The following TAB2 variants were observed in gnomAD, a reference collection of about 807,000 sequenced individuals.
TAB2 encodes the protein TGF-beta activated kinase 1 (MAP3K7) binding protein 2.
Under a neutral mutation model 65.0 loss-of-function variants are expected in TAB2, and 3 were observed. The ratio of observed to expected loss-of-function variants is 0.05; its 90% CI spans 0.02 to 0.12. The LOEUF (loss-of-function observed/expected upper bound fraction) is 0.12, where lower values mean the gene tolerates loss of function less well. TAB2 is among the 10% of genes least tolerant of loss of function. The pLI is 1.00. For synonymous variants in TAB2, 298 were observed against 285.1 expected, an observed-to-expected ratio of 1.05 and a Z score of -0.46; for missense variants, 623 against 840.3, an observed-to-expected ratio of 0.74 and a Z score of 3.20.
chr6:149,375,153 T>C (rs942941613), intron 2 of TAB2, among the ~76,000 whole-genome samples: 4 of 152,210 alleles, frequency 2.6e-5, no homozygotes, highest in Admixed American at 6.5e-5. Flanking sequence ...AACGAGATAA[T>C]GTCTGAGACT....
chr6:149,266,300 T>C (rs1022662606), intron 1 of TAB2, among the ~76,000 whole-genome samples: 5 of 152,208 alleles, frequency 3.3e-5, no homozygotes, highest in Admixed American at 1.3e-4. Context: ...CGTGTGTCTG[T>C]GTCTTTGTCC....
At chr6:149,248,716 T>C (rs767879334) in intron 1 of TAB2, among the ~76,000 whole-genome samples, 4 of 152,208 alleles carry the variant, frequency 2.6e-5, no homozygotes, top group Non-Finnish European at 5.9e-5. Flanking sequence ...AGGAATTTTC[T>C]GGAGGTCTGC....
chr6:149,330,671 A>G (rs569263564), intron 1 of TAB2, among the ~76,000 whole-genome samples: 34 of 152,310 alleles, frequency 2.2e-4, no homozygotes, highest in Admixed American at 2.6e-4. Context: ...TACAAATTCT[A>G]TATCCAAGTC....
intron 6 of TAB2, among the ~76,000 whole-genome samples, chr6:149,406,653 T>C (rs898167700): frequency 6.6e-6 from 1 of 152,322 alleles, no homozygotes; most frequent in Admixed American, 6.5e-5. Context: ...TACAAGAATT[T>C]TCACATTCTC....
At chr6:149,325,902 GCTTA>G (rs1779602572) in intron 1 of TAB2, among the ~76,000 whole-genome samples, 1 of 152,104 alleles carries the variant, frequency 6.6e-6, no homozygotes, top group Admixed American at 6.6e-5. Flanking sequence ...ACAACGCTCA[GCTTA>G]CTTTTTATTT....
chr6:149,410,154 A>G lies in TAB2; in HGVS notation c.*435A>G, dbSNP rs35408612. ...CGAAGAAAAGGAACAAGGTTTAACTATTTAAGAACCATTTGCTGCCGCATA... is the reference window on the plus strand; with the variant it reads ...CGAAGAAAAGGAACAAGGTTTAACTGTTTAAGAACCATTTGCTGCCGCATA... On this transcript the variant is annotated 3_prime_UTR_variant, in exon 7 of 7. Transcript: ENST00000637181. 1.6e-3 allele frequency: 322 copies of G among 201,522 alleles called. No homozygotes were observed. The highest frequency in any genetic ancestry group is 2.4e-3 in the Non-Finnish European group (239 of 97,966). 12.5% of individuals were successfully genotyped at this position (201,522 alleles called of 1,614,324 possible).
In TAB2 at chr6:149,378,705, C is replaced by T; in HGVS notation, c.790C>T (p.Pro264Ser). The T allele has an allele frequency of 6.2e-7, 1 of 1,614,040 alleles. No homozygotes were observed. The highest frequency in any genetic ancestry group is 2.2e-5 in the East Asian group (1 of 44,888). Reference protein sequence around the residue: ...GPWTTCPASNPLSHTSSQQPN... With the variant: ...GPWTTCPASNSLSHTSSQQPN... Reference sequence around the variant, plus strand: ...CTGGACTACTTGTCCTGCATCTAATCCTCTGTCACATACCTCATCTCAACA... The same window carrying T: ...CTGGACTACTTGTCCTGCATCTAATTCTCTGTCACATACCTCATCTCAACA... Residue 264 changes from proline (P) to serine (S), a missense_variant, in exon 3 of 7, where the codon CCT becomes TCT. This residue lies in a region of TAB2 where 550 missense variants were observed against 665.7 expected (regional missense o/e 0.83). Transcript: ENST00000637181.
At position 149,264,038 on chromosome 6, in the gene TAB2, A is replaced by G. The variant is rs9485364; in HGVS notation, c.-121+45262A>G. Among the ~76,000 whole-genome samples the G allele has an allele frequency of 7.4e-3, 1,133 of 152,328 alleles. 13 individuals carry two copies. Among genetic ancestry groups the G allele is most frequent in the African/African-American group, 0.026 (1,087 of 41,566 alleles). ...ATGCTGAAGGCAATGCCTATTCTGC[A>G]TGCCCATCATGGGAATTCAGAGACG... is the stretch of plus-strand genomic sequence containing the variant. On this transcript the variant is annotated intron_variant, in intron 1 of 1. Coordinates refer to the TAB2 transcript ENST00000606202.
At chr6:149,359,648 A>G (rs1269346316) in intron 1 of TAB2, among the ~76,000 whole-genome samples, 1 of 152,216 alleles carries the variant, frequency 6.6e-6, no homozygotes, top group Admixed American at 6.5e-5. Context: ...CAGTATGTCT[A>G]GTTCTGATAA....
At chr6:149,270,095 C>T (rs1344183914) in intron 1 of TAB2, among the ~76,000 whole-genome samples, 1 of 152,212 alleles carries the variant, frequency 6.6e-6, no homozygotes, top group Non-Finnish European at 1.5e-5. Context: ...CAAATTCTTG[C>T]TAATGTTTGA....
intron 1 of TAB2, among the ~76,000 whole-genome samples, chr6:149,277,774 A>G (rs1778502945): frequency 6.6e-6 from 1 of 152,226 alleles, no homozygotes; most frequent in South Asian, 2.1e-4. Context: ...ACTACCATAT[A>G]GTATCTATTA....
chr6:149,362,248 A>C (rs1583124607), intron 1 of TAB2, among the ~76,000 whole-genome samples: 1 of 152,354 alleles, frequency 6.6e-6, no homozygotes. Context: ...TTCAGAATGA[A>C]AAGAGGTTTA....
At chr6:149,365,022 T>C (rs975344186) in intron 1 of TAB2, among the ~76,000 whole-genome samples, 1 of 152,130 alleles carries the variant, frequency 6.6e-6, no homozygotes, top group Non-Finnish European at 1.5e-5. Context: ...TGTCTACTTA[T>C]GTTTTGTAGT....
intron 2 of TAB2, among the ~76,000 whole-genome samples, chr6:149,374,764 T>C (rs1379699648): frequency 2.0e-5 from 3 of 152,188 alleles, no homozygotes; most frequent in Non-Finnish European, 4.4e-5. Context: ...CTTCATCACA[T>C]CCCTAGATAT....
chr6:149,262,456 C>T (rs1029958687), intron 1 of TAB2, among the ~76,000 whole-genome samples: 1 of 151,996 alleles, frequency 6.6e-6, no homozygotes. Flanking sequence ...CCACTTGAAC[C>T]CAGGAGGCGG....
chr6:149,293,941 TCAAA>T (rs1483129805), intron 1 of TAB2, among the ~76,000 whole-genome samples: 6 of 152,046 alleles, frequency 3.9e-5, no homozygotes, highest in Non-Finnish European at 8.8e-5. Context: ...CTAGAGAGTA[TCAAA>T]CACTCAGTAG....
intron 1 of TAB2, among the ~76,000 whole-genome samples, chr6:149,289,595 G>A (rs1778738967): frequency 6.6e-6 from 1 of 152,134 alleles, no homozygotes; most frequent in Admixed American, 6.5e-5. Context: ...TCTTCACCCA[G>A]TCCACTCCAG....
intron 1 of TAB2, among the ~76,000 whole-genome samples, chr6:149,225,450 G>C (rs1011939249): frequency 1.3e-5 from 2 of 152,208 alleles, no homozygotes; most frequent in Non-Finnish European, 2.9e-5. Flanking sequence ...GAGTTTGTCA[G>C]ATTCCAGAGG....
chr6:149,264,449 T>G (rs1778218661), intron 1 of TAB2, among the ~76,000 whole-genome samples: 1 of 149,240 alleles, frequency 6.7e-6, no homozygotes, highest in African/African-American at 2.5e-5. Flanking sequence ...AGTTCTTGTT[T>G]TGTTTTGTTT....
Sources: allele counts gnomAD v4.1 joint callset (sites outside exome capture counted in the v4.1 genomes callset), GRCh38; gene constraint gnomAD v4.1.1; regional missense constraint gnomAD v4.1.1; transcripts MANE v1.5; gene names NCBI Gene and HGNC (gene_info 2026-07-23, HGNC 2026-07-21).